The following TNFRSF11A variants were observed in gnomAD, a reference collection of about 807,000 sequenced individuals.
TNFRSF11A encodes the protein tumor necrosis factor receptor superfamily member 11A.
TNFRSF11A carries 32 observed loss-of-function variants against 55.7 expected under a neutral mutation model. The ratio of observed to expected loss-of-function variants is 0.57; its 90% CI spans 0.43 to 0.77. The LOEUF is 0.77. Among genes scored for constraint, TNFRSF11A ranks in the 30% least tolerant of loss-of-function variants. The pLI is 0.00. For missense variants in TNFRSF11A, 753 were observed against 809.8 expected (o/e 0.93, Z 0.85); for synonymous variants, 311 against 331.0 (o/e 0.94, Z 0.65).
chr18:62,384,671 C>T (rs933517229), intron 9 of TNFRSF11A, 80 bp from the exon 10 acceptor site: 7 of 1,543,288 alleles, frequency 4.5e-6, no homozygotes, highest in Middle Eastern at 1.7e-4. Flanking sequence ...GCCCTCCACT[C>T]CCCGGAACCT....
intron 4 of TNFRSF11A, 149 bp downstream of exon 4, chr18:62,354,683 T>C: frequency 8.4e-7 from 1 of 1,197,434 alleles, no homozygotes; most frequent in East Asian, 2.5e-5. Flanking sequence ...GGGCTGATTT[T>C]CCACGAGATA....
rs1385981107 is a variant in TNFRSF11A at position 62,385,574 on chromosome 18, T to C, written c.*540T>C. 6.6e-6 allele frequency: 1 copy of C among 151,918 alleles called. No individual in the cohort carries two copies. The highest frequency in any genetic ancestry group is 2.4e-5 in the African/African-American group (1 of 41,298). 9.4% of individuals were successfully genotyped at this position (151,918 alleles called of 1,614,324 possible). ...CCGGTGCAGCCTCTAACTCCTGGGC[T>C]CAAGCAATCCAAGTGATCCTCCCAC... On this transcript the variant is annotated 3_prime_UTR_variant, in exon 10 of 10. Transcript: ENST00000586569.
intron 1 of TNFRSF11A, among the ~76,000 whole-genome samples, chr18:62,339,309 C>T (rs923916737): frequency 6.6e-6 from 1 of 152,254 alleles, no homozygotes; most frequent in African/African-American, 2.4e-5. Context: ...TCCCTCCTCT[C>T]GAATCCTTCT....
chr18:62,347,387 A>G (rs1056543395), intron 1 of TNFRSF11A, among the ~76,000 whole-genome samples: 2 of 152,208 alleles, frequency 1.3e-5, no homozygotes, highest in Non-Finnish European at 2.9e-5. Flanking sequence ...CTGGGTGATT[A>G]TAGATGCCTG....
chr18:62,371,735 T>G (rs1910568480), intron 9 of TNFRSF11A, among the ~76,000 whole-genome samples: 1 of 152,244 alleles, frequency 6.6e-6, no homozygotes, highest in African/African-American at 2.4e-5. Flanking sequence ...TGAACAGGCC[T>G]TATGGTTTCT....
chr18:62,377,623 T>C (rs891855351), intron 9 of TNFRSF11A, among the ~76,000 whole-genome samples: 25 of 152,352 alleles, frequency 1.6e-4, no homozygotes, highest in Admixed American at 2.0e-4. Context: ...TTGCATAAAT[T>C]CTCACTTCCC....
At chr18:62,331,229 A>ATAG (rs762010280) in intron 1 of TNFRSF11A, among the ~76,000 whole-genome samples, 6 of 29,392 alleles carry the variant, frequency 2.0e-4, no homozygotes, top group East Asian at 1.8e-3. Context: ...TAAATAGTAA[A>ATAG]TAAATAAATA....
intron 1 of TNFRSF11A, among the ~76,000 whole-genome samples, chr18:62,343,489 A>C (rs2046342037): frequency 6.6e-6 from 1 of 152,196 alleles, no homozygotes; most frequent in South Asian, 2.1e-4. Flanking sequence ...CACTGGCAGA[A>C]ATGTTATGTT....
At chr18:62,338,170 A>G (rs1174418272) in intron 1 of TNFRSF11A, among the ~76,000 whole-genome samples, 2 of 152,218 alleles carry the variant, frequency 1.3e-5, no homozygotes, top group African/African-American at 4.8e-5. Flanking sequence ...AAACAAAACC[A>G]GAAAATAACA....
intron 1 of TNFRSF11A, among the ~76,000 whole-genome samples, chr18:62,328,355 G>A (rs1476808621): frequency 6.6e-6 from 1 of 151,598 alleles, no homozygotes; most frequent in Non-Finnish European, 1.5e-5. Context: ...GAGGTGGGAA[G>A]AAAGCTCCCT....
rs1482748808 is a variant in TNFRSF11A at position 62,368,779 on chromosome 18, C to T, written c.862C>T (p.Leu288=). ...GGGAGCATGTGAAGGTGTCTTACTGCTGACTCTGGAGGAGAAGACATTTCC... is the reference window on the plus strand; with the variant it reads ...GGGAGCATGTGAAGGTGTCTTACTGTTGACTCTGGAGGAGAAGACATTTCC... ...QQGACEGVLL[L]TLEEKTFPED... is the part of the protein sequence containing the mutation. The change falls in exon 9 of 10, where the codon CTG becomes TTG. Residue 288 remains leucine (L), a synonymous_variant. Coordinates refer to ENST00000586569, the MANE Select transcript of TNFRSF11A (RefSeq NM_003839.4). 1 of 1,614,224 alleles carries T rather than the reference C, an allele frequency of 6.2e-7. No homozygotes were observed. Among genetic ancestry groups the T allele is most frequent in the Non-Finnish European group, 8.5e-7 (1 of 1,180,054 alleles).
At chr18:62,344,956 A>G (rs539128368) in intron 1 of TNFRSF11A, among the ~76,000 whole-genome samples, 1 of 152,332 alleles carries the variant, frequency 6.6e-6, no homozygotes, top group Admixed American at 6.5e-5. Flanking sequence ...GGGACTCAAG[A>G]CAGAGTCTGG....
At chr18:62,348,512 T>C (rs1363653105) in intron 2 of TNFRSF11A, among the ~76,000 whole-genome samples, 2 of 152,234 alleles carry the variant, frequency 1.3e-5, no homozygotes, top group Non-Finnish European at 2.9e-5. Flanking sequence ...AAAACACTAT[T>C]TCTCGAGATG....
rs1001731076 is a variant in TNFRSF11A at position 62,384,954 on chromosome 18, C to A, written c.1771C>A (p.Pro591Thr). The A allele has an allele frequency of 1.3e-6, 2 of 1,509,122 alleles. No individual in the cohort carries two copies. Among genetic ancestry groups the A allele is most frequent in the Admixed American group, 4.4e-5 (2 of 45,222 alleles). 93.5% of individuals were successfully genotyped at this position (1,509,122 alleles called of 1,614,324 possible). A position where few individuals can be genotyped will look rare whatever the true frequency, so the allele number is the denominator to read the frequency against. The change falls in exon 10 of 10, where the codon CCG becomes ACG. Residue 591 changes from proline (P) to threonine (T), a missense_variant. By Grantham distance (38) the Pro-to-Thr change is conservative. Around this residue, in one of 3 missense-constraint regions of TNFRSF11A, gnomAD observed 567 missense variants for 596.7 expected, o/e 0.95. Coordinates refer to ENST00000586569, the MANE Select transcript of TNFRSF11A (RefSeq NM_003839.4). ...FAGNGPRFPD[P>T]CGGPEGLREP... Reference sequence around the variant, plus strand: ...GGGGAACGGCCCGCGCTTCCCGGACCCGTGCGGCGGCCCCGAGGGGCTGCG... The same window carrying A: ...GGGGAACGGCCCGCGCTTCCCGGACACGTGCGGCGGCCCCGAGGGGCTGCG...
intron 1 of TNFRSF11A, among the ~76,000 whole-genome samples, chr18:62,334,174 T>C (rs574049799): frequency 1.1e-4 from 16 of 152,258 alleles, no homozygotes; most frequent in African/African-American, 3.4e-4. Flanking sequence ...CCTCTAGAAC[T>C]ATTCTTAAGC....
In TNFRSF11A at chr18:62,325,393, T is replaced by C. The variant is rs1293391112; in HGVS notation, c.41T>C (p.Leu14Pro). The part of the protein sequence containing the change: ...RARRRRPLFA[L>P]LLLCALLARL... ...CGGCGGCGCCGCCCGCTGTTCGCGC[T>C]GCTGCTGCTCTGCGCGCTGCTCGCC... Residue 14 changes from leucine (L) to proline (P), a missense_variant, in exon 1 of 10, where the codon CTG becomes CCG. Around this residue, in one of 3 missense-constraint regions of TNFRSF11A, gnomAD observed 156 missense variants for 155.1 expected, o/e 1.01. Coordinates refer to ENST00000586569, the MANE Select transcript of TNFRSF11A (RefSeq NM_003839.4). This position sits in a 1 kb window ranked among gnomAD's most constrained non-coding sequence, Gnocchi z 4.7. The C allele has an allele frequency of 8.7e-7, 1 of 1,143,798 alleles. No homozygotes were observed. The highest frequency in any genetic ancestry group is 1.1e-6 in the Non-Finnish European group (1 of 929,188). 70.9% of individuals were successfully genotyped at this position (1,143,798 alleles called of 1,614,324 possible). A position where few individuals can be genotyped will look rare whatever the true frequency, so the allele number is the denominator to read the frequency against.
At chr18:62,329,618 G>T (rs565904883) in intron 1 of TNFRSF11A, among the ~76,000 whole-genome samples, 1 of 152,194 alleles carries the variant, frequency 6.6e-6, no homozygotes, top group Non-Finnish European at 1.5e-5. Context: ...AGAAGGAGCC[G>T]TGGGTTTCAG....
rs2046066003 is a variant in TNFRSF11A at position 62,325,852 on chromosome 18, A to G, written c.75+425A>G. On this transcript the variant is annotated intron_variant, in intron 1 of 9. Transcript: ENST00000586569. This position sits in a 1 kb window ranked among gnomAD's most constrained non-coding sequence, Gnocchi z 4.7. ...TTTCTCCCGGGTGGCCTCCGTCCCA[A>G]ATTTCCACCCGGAAAGAGACATGAT... Among the ~76,000 whole-genome samples the G allele has an allele frequency of 6.6e-6, 1 of 152,166 alleles. No homozygotes were observed. Among genetic ancestry groups the G allele is most frequent in the Non-Finnish European group, 1.5e-5 (1 of 68,010 alleles).
rs1911849903 is a variant in TNFRSF11A, at chr18:62,388,047, C to G, written c.*3013C>G. 1 of 152,318 alleles carries G rather than the reference C, an allele frequency of 6.6e-6. No homozygotes were observed. The highest frequency in any genetic ancestry group is 2.4e-5 in the African/African-American group (1 of 41,420). The allele number at this position is 152,318 out of a possible 1,614,324, so 9.4% of individuals were successfully genotyped here. A position where few individuals can be genotyped will look rare whatever the true frequency, so the allele number is the denominator to read the frequency against. On this transcript the variant is annotated 3_prime_UTR_variant, in exon 10 of 10. Coordinates refer to ENST00000586569, the MANE Select transcript of TNFRSF11A (RefSeq NM_003839.4). ...AGGAGGATGCTTGAGTCCAGGAGTTCAAGGTTACTGTGAGCTTTGATTGGG... is the reference window on the plus strand; with the variant it reads ...AGGAGGATGCTTGAGTCCAGGAGTTGAAGGTTACTGTGAGCTTTGATTGGG...
Sources: gnomAD v4.1 joint callset for allele counts (sites outside exome capture counted in the v4.1 genomes callset) on GRCh38, gnomAD v4.1.1 for gene constraint, gnomAD v4.1.1 regional missense constraint, Gnocchi (gnomAD v3.1) non-coding constraint, MANE v1.5 for transcripts, NCBI Gene and HGNC (gene_info 2026-07-23, HGNC 2026-07-21) for gene names.